Variants in SH3TC1 observed in about 807,000 individuals in gnomAD.
The protein encoded by SH3TC1 is SH3 domain and tetratricopeptide repeat-containing protein 1.
A neutral mutation model predicts 117.3 loss-of-function variants in SH3TC1; 135 were observed. The ratio of observed to expected loss-of-function variants is 1.15; its 90% CI spans 1.00 to 1.33. The LOEUF (loss-of-function observed/expected upper bound fraction) is 1.33, where lower values mean the gene tolerates loss of function less well. Among genes scored for constraint, SH3TC1 ranks in the 40% most tolerant of loss-of-function variants. SH3TC1 has a pLI of 0.00. For missense variants in SH3TC1, 2,092 were observed against 1,794.3 expected, an observed-to-expected ratio of 1.17 and a Z score of -3.00; for synonymous variants, 898 against 816.9, an observed-to-expected ratio of 1.10 and a Z score of -1.69.
chr4:8,212,137 G>A (rs891308857), intron 3 of SH3TC1, among the ~76,000 whole-genome samples: 3 of 152,092 alleles, frequency 2.0e-5, no homozygotes, highest in Non-Finnish European at 2.9e-5. Flanking sequence ...TCTGCCCTCT[G>A]AGAGACAGGG....
chr4:8,199,875 C>T (rs892076529), intron 1 of SH3TC1, among the ~76,000 whole-genome samples: 5 of 152,228 alleles, frequency 3.3e-5, no homozygotes, highest in African/African-American at 1.2e-4. Context: ...TAACTGGCCA[C>T]TCTGATGCCG....
rs755369951 is a variant in SH3TC1 at position 8,228,219 on chromosome 4, C to A, written c.2525C>A (p.Pro842Gln). 2 of 1,608,728 alleles carry A rather than the reference C, an allele frequency of 1.2e-6. No individual in the cohort carries two copies. Among genetic ancestry groups the A allele is most frequent in the African/African-American group, 1.3e-5 (1 of 74,994 alleles). The change falls in exon 12 of 18, where the codon CCG becomes CAG. Residue 842 changes from proline (P) to glutamine (Q), a missense_variant. Transcript: ENST00000245105. Reference sequence around the variant, plus strand: ...CTGCACGTGCTTCATGGGCAGAGCCCGGTGGCCCTGGACATCCTGCAGTCT... The same window carrying A: ...CTGCACGTGCTTCATGGGCAGAGCCAGGTGGCCCTGGACATCCTGCAGTCT... ...AWLHVLHGQS[P>Q]VALDILQSVR...
intron 16 of SH3TC1, chr4:8,236,919 C>T (rs767068001): frequency 1.8e-4 from 30 of 162,948 alleles, no homozygotes; most frequent in Non-Finnish European, 3.0e-4. Context: ...GCCACATGCC[C>T]CAGCGCCTTG....
chr4:8,199,726 G>C (rs765292498), intron 1 of SH3TC1, among the ~76,000 whole-genome samples: 1 of 152,198 alleles, frequency 6.6e-6, no homozygotes, highest in East Asian at 1.9e-4. Flanking sequence ...GGGGGTCTGG[G>C]AGCAGAGCCA....
chr4:8,182,721 C>T (rs1717112075), intron 1 of SH3TC1, among the ~76,000 whole-genome samples: 1 of 152,210 alleles, frequency 6.6e-6, no homozygotes, highest in Non-Finnish European at 1.5e-5. Context: ...GGAAACAGTG[C>T]AATGCTGGTG....
rs760691028 is a variant in SH3TC1 at position 8,233,557 on chromosome 4, C to CTCCA, written c.3282+56_3282+59dup. 4.1e-5 allele frequency: 64 copies of CTCCA among 1,543,430 alleles called. No individual in the cohort carries two copies. In the East Asian group the frequency reaches 9.7e-4, roughly 23 times the overall value. ...AGGAGGGCCTCTGCACATGTTCACT[C>CTCCA]TCCATCCATCCATCCGTCCATTGAT... On this transcript the variant is annotated intron_variant, in intron 14 of 17. Transcript: ENST00000245105.
rs1721439255 is a variant in SH3TC1, at chr4:8,233,443, A to T, written c.3212A>T (p.His1071Leu). 6.2e-7 allele frequency: 1 copy of T among 1,613,970 alleles called. No individual in the cohort carries two copies. Among genetic ancestry groups the T allele is most frequent in the Non-Finnish European group, 8.5e-7 (1 of 1,179,922 alleles). The stretch of plus-strand genomic sequence containing the variant: ...CTCCAGAAGAAAGAGAAGGAGGCGC[A>T]TGCCTGGCTGCAAGCAGGGAAGATC... ...IDLQKKEKEA[H>L]AWLQAGKIYY... The change falls in exon 14 of 18, where the codon CAT becomes CTT. Residue 1071 changes from histidine to leucine, a missense_variant. Transcript: ENST00000245105.
chr4:8,227,883 T>A lies in SH3TC1; in HGVS notation c.2189T>A (p.Val730Asp), dbSNP rs1392004269. Residue 730 changes from valine (V) to aspartate (D), a missense_variant, in exon 12 of 18, where the codon GTC becomes GAC. By Grantham distance (152) the Val-to-Asp change is radical. Coordinates refer to ENST00000245105, the MANE Select transcript of SH3TC1 (RefSeq NM_018986.5). ...KCLPHLVLSC[V>D]KVASLRTRGS... ...CTGCCCCACCTGGTGCTGAGCTGTG[T>A]CAAGGTGGCCTCATTGCGGACACGG... 4 of 1,612,810 alleles carry A rather than the reference T, an allele frequency of 2.5e-6. No individual in the cohort carries two copies. Among genetic ancestry groups the A allele is most frequent in the Non-Finnish European group, 3.4e-6 (4 of 1,179,964 alleles).
At position 8,205,275 on chromosome 4, in the gene SH3TC1, C is replaced by T; in HGVS notation, c.81C>T (p.Ser27=). The T allele has an allele frequency of 6.4e-7, 1 of 1,550,536 alleles. No individual in the cohort carries two copies. The highest frequency in any genetic ancestry group is 2.0e-5 in the Admixed American group (1 of 51,042). The change falls in exon 2 of 18, where the codon AGC becomes AGT. Residue 27 remains serine, a synonymous_variant. Transcript: ENST00000245105. The surrounding 1 kb of genome is among the most constrained non-coding windows in gnomAD (Gnocchi z 5.4). ...CTGTGGGACCCTCAGGAGGTGGCAG[C>T]ACCCGGGACCAGGTCCGGACTGTGG... is the stretch of plus-strand genomic sequence containing the variant. ...RGPVGPSGGG[S]TRDQVRTVVM...
chr4:8,225,162 T>C lies in SH3TC1; in HGVS notation c.1244-13T>C, dbSNP rs751585224. 2.5e-6 allele frequency: 4 copies of C among 1,613,630 alleles called. No homozygotes were observed. The East Asian group carries it at 8.9e-5, about 36-fold the overall frequency. The stretch of plus-strand genomic sequence containing the variant: ...CTGGGGGTGTTGATTGCTTCTCTTT[T>C]CTCCCTTGCCAGACTCAGTAGAGGA... On this transcript the variant is annotated splice_polypyrimidine_tract_variant and intron_variant, in intron 10 of 17. Transcript: ENST00000245105. The surrounding 1 kb of genome is among the most constrained non-coding windows in gnomAD (Gnocchi z 5.5).
intron 7 of SH3TC1, among the ~76,000 whole-genome samples, chr4:8,217,966 G>A (rs1719457992): frequency 6.6e-6 from 1 of 151,582 alleles, no homozygotes; most frequent in African/African-American, 2.4e-5. Flanking sequence ...GTGTGGAGCT[G>A]GGGGAGGCAG....
chr4:8,216,119 C>A lies in SH3TC1; in HGVS notation c.490C>A (p.His164Asn). The change falls in exon 6 of 18, where the codon CAT (histidine) becomes AAT (asparagine). Residue 164 changes from histidine to asparagine, a missense_variant. Transcript: ENST00000245105. Reference sequence around the variant, plus strand: ...GGGCCTGGCCTCCACAGGCTTCACTCATCACTGCCTGGCAAACCTGCTCAT... The same window carrying A: ...GGGCCTGGCCTCCACAGGCTTCACTAATCACTGCCTGGCAAACCTGCTCAT... Reference protein sequence around the residue: ...FSTYHALGFTHHCLANLLMDQ... With the variant: ...FSTYHALGFTNHCLANLLMDQ... 1 of 1,613,220 alleles carries A rather than the reference C, an allele frequency of 6.2e-7. No homozygotes were observed. Among genetic ancestry groups the A allele is most frequent in the South Asian group, 1.1e-5 (1 of 91,026 alleles).
chr4:8,239,248 GACACAC>G lies in SH3TC1; in HGVS notation c.3754-1438_3754-1433del, dbSNP rs57041483. 6.1e-4 allele frequency among the ~76,000 whole-genome samples: 91 copies of G among 150,370 alleles called. 1 individual carries two copies. The South Asian group carries it at 0.012, about 20-fold the overall frequency. ...TGCACATGCACGCTGCACGCACAGG[GACACAC>G]ACACACACACAGAGACACATGCACA... On this transcript the variant is annotated intron_variant, in intron 17 of 17. Transcript: ENST00000245105.
chr4:8,212,043 G>C (rs3756196), intron 3 of SH3TC1, among the ~76,000 whole-genome samples: 33 of 151,928 alleles, frequency 2.2e-4, no homozygotes, highest in African/African-American at 7.3e-4. Flanking sequence ...GGAGTGGGGT[G>C]GGGGGTGGAG....
chr4:8,198,955 G>A (rs933318708), upstream of SH3TC1, among the ~76,000 whole-genome samples: 3 of 152,250 alleles, frequency 2.0e-5, no homozygotes, highest in African/African-American at 7.2e-5. Context: ...GTGTGTGTGT[G>A]TGCAGTAAAT....
rs181874869 is a variant in SH3TC1, at chr4:8,184,768, C to G, written c.-57+2558C>G. ...AGACTTAGTGGAACTTTCTTCCTCT[C>G]ACTTCAGTGAGATTGTCGTATACAT... On this transcript the variant is annotated intron_variant, in intron 1 of 16. Transcript: ENST00000508641. Among the ~76,000 whole-genome samples the G allele has an allele frequency of 3.3e-5, 5 of 152,326 alleles. No homozygotes were observed. The East Asian group carries it at 9.7e-4, about 29-fold the overall frequency.
At chr4:8,237,397 G>A in intron 16 of SH3TC1, 77 bp from the exon 17 acceptor site, 2 of 1,284,946 alleles carry the variant, frequency 1.6e-6, no homozygotes, top group African/African-American at 1.7e-5. Context: ...CTGGAGGCGA[G>A]CCAGGTGCTG....
rs1561680007 is a variant in SH3TC1 at position 8,205,107 on chromosome 4, C to A, written c.-28-60C>A. ...TCTTTCTGGACCCCAGGCCTGGACACAACCTCCGTGCTGGTTCTGGAGGGG... is the reference window on the plus strand; with the variant it reads ...TCTTTCTGGACCCCAGGCCTGGACAAAACCTCCGTGCTGGTTCTGGAGGGG... On this transcript the variant is annotated intron_variant, in intron 1 of 17. Coordinates refer to ENST00000245105, the MANE Select transcript of SH3TC1 (RefSeq NM_018986.5). This position sits in a 1 kb window ranked among gnomAD's most constrained non-coding sequence, Gnocchi z 5.4. The A allele has an allele frequency of 7.3e-7, 1 of 1,371,938 alleles. No homozygotes were observed. Among genetic ancestry groups the A allele is most frequent in the Non-Finnish European group, 9.7e-7 (1 of 1,035,526 alleles). The allele number at this position is 1,371,938 out of a possible 1,614,324, so 85.0% of individuals were successfully genotyped here.
upstream of SH3TC1, among the ~76,000 whole-genome samples, chr4:8,198,862 T>A (rs990303762): frequency 2.0e-5 from 3 of 152,162 alleles, no homozygotes; most frequent in Admixed American, 2.0e-4. Context: ...TGCTTGTGAG[T>A]CTCTGTGTGC....
Sources: allele counts gnomAD v4.1 joint callset (sites outside exome capture counted in the v4.1 genomes callset), GRCh38; gene constraint gnomAD v4.1.1; non-coding constraint Gnocchi (gnomAD v3.1); transcripts MANE v1.5; gene names NCBI Gene and HGNC (gene_info 2026-07-23, HGNC 2026-07-21).